TBXAS1: variants seen among roughly 807,000 people sequenced by gnomAD.
TBXAS1 encodes the protein thromboxane A synthase 1.
A neutral mutation model predicts 60.7 loss-of-function variants in TBXAS1; 48 were observed. The ratio of observed to expected loss-of-function variants is 0.79; its 90% confidence interval spans 0.63 to 1.01. The LOEUF (loss-of-function observed/expected upper bound fraction) is 1.01. TBXAS1 is among the 50% of genes least tolerant of loss of function. The pLI is 0.00. For missense variants in TBXAS1, 685 were observed against 686.3 expected (o/e 1.00, Z 0.02); for synonymous variants, 287 against 269.7 (o/e 1.06, Z -0.63).
intron 3 of TBXAS1, among the ~76,000 whole-genome samples, chr7:139,882,210 G>A (rs754232846): frequency 1.3e-5 from 2 of 152,180 alleles, no homozygotes; most frequent in African/African-American, 2.4e-5. Context: ...CAAGAACAAC[G>A]GGAATTGAAG....
chr7:140,006,714 C>T (rs1814105224), intron 9 of TBXAS1, among the ~76,000 whole-genome samples: 1 of 152,188 alleles, frequency 6.6e-6, no homozygotes, highest in African/African-American at 2.4e-5. Context: ...GTTTTCTCAT[C>T]TAAGAGATGG....
intron 5 of TBXAS1, among the ~76,000 whole-genome samples, chr7:139,953,075 G>A (rs1165215019): frequency 6.6e-6 from 1 of 152,172 alleles, no homozygotes; most frequent in East Asian, 1.9e-4. Context: ...TTTTGTCTAA[G>A]CACTTAATGA....
chr7:139,882,544 C>T (rs1462352138), intron 3 of TBXAS1, among the ~76,000 whole-genome samples: 2 of 152,160 alleles, frequency 1.3e-5, no homozygotes, highest in Admixed American at 6.5e-5. Flanking sequence ...AAAGTGCAAG[C>T]CTCAGTATGA....
chr7:140,017,931 G>C (rs972583984), intron 12 of TBXAS1, 98 bp downstream of exon 12: 1 of 1,558,092 alleles, frequency 6.4e-7, no homozygotes, highest in African/African-American at 1.4e-5. Flanking sequence ...GCAACATCAG[G>C]CTCTGCCTCC....
At position 139,833,492 on chromosome 7, in the gene TBXAS1, C is replaced by T. The variant is rs545565036; in HGVS notation, c.89+4013C>T. Reference sequence around the variant, plus strand: ...CAGTGTGGCCAACACAGTGAAACCCCGTCTCTACTAAAAATACAAAAAAAA... The same window carrying T: ...CAGTGTGGCCAACACAGTGAAACCCTGTCTCTACTAAAAATACAAAAAAAA... On this transcript the variant is annotated intron_variant, in intron 1 of 12. Transcript: ENST00000448866. Among the ~76,000 whole-genome samples the T allele has an allele frequency of 3.5e-4, 51 of 143,762 alleles. No homozygotes were observed. The South Asian group carries it at 4.8e-3, about 14-fold the overall frequency. 94.3% of individuals were successfully genotyped at this position (143,762 alleles called of 152,430 possible).
intron 10 of TBXAS1, among the ~76,000 whole-genome samples, chr7:140,010,033 C>A (rs1414753803): frequency 4.5e-5 from 6 of 133,772 alleles, no homozygotes; most frequent in Non-Finnish European, 8.0e-5. Context: ...CCGCCCCACA[C>A]CTCCACACCC....
At chr7:139,844,925 C>T (rs1426410374) in intron 1 of TBXAS1, among the ~76,000 whole-genome samples, 1 of 152,148 alleles carries the variant, frequency 6.6e-6, no homozygotes, top group Non-Finnish European at 1.5e-5. Context: ...TGCTCATTTC[C>T]TCATTGGTGA....
intron 10 of TBXAS1, among the ~76,000 whole-genome samples, chr7:140,012,046 C>T (rs896837560): frequency 6.6e-6 from 1 of 152,138 alleles, no homozygotes; most frequent in African/African-American, 2.4e-5. Context: ...ATTCCAGGCA[C>T]GTGGGAGTGG....
At position 139,962,243 on chromosome 7, in the gene TBXAS1, A is replaced by G. The variant is rs2117382774; in HGVS notation, c.1134+10A>G. The stretch of plus-strand genomic sequence containing the variant: ...TTTTAAGGAGAAACACGTGAGTACA[A>G]GTTGGATCCAGTTACCCATGGGATA... On this transcript the variant is annotated intron_variant, in intron 9 of 12. Coordinates refer to ENST00000448866, the MANE Select transcript of TBXAS1 (RefSeq NM_001061.7). The G allele has an allele frequency of 6.2e-7, 1 of 1,613,958 alleles. No individual in the cohort carries two copies. The highest frequency in any genetic ancestry group is 1.1e-5 in the South Asian group (1 of 90,870).
At chr7:139,957,504 C>T (rs1237774919) in intron 7 of TBXAS1, 130 bp from the exon 8 acceptor site, 25 of 1,165,012 alleles carry the variant, frequency 2.1e-5, no homozygotes, top group East Asian at 9.6e-5. Flanking sequence ...AGCAGCAGTG[C>T]GGCGGGGAGG....
chr7:140,005,815 C>T (rs939767945), intron 9 of TBXAS1, among the ~76,000 whole-genome samples: 4 of 152,232 alleles, frequency 2.6e-5, no homozygotes, highest in Admixed American at 6.5e-5. Context: ...AGATTAGCTA[C>T]GATACTGGCT....
In TBXAS1 at chr7:139,986,743, ACATATATATATATGTG is replaced by A. The variant is rs1456753992; in HGVS notation, c.1135-20347_1135-20332del. Among the ~76,000 whole-genome samples, 112 of 32,970 alleles carry A rather than the reference ACATATATATATATGTG, an allele frequency of 3.4e-3. 1 individual carries two copies. Among genetic ancestry groups the A allele is most frequent in the African/African-American group, 0.015 (109 of 7,262 alleles). 21.6% of individuals were successfully genotyped at this position (32,970 alleles called of 152,430 possible). On this transcript the variant is annotated intron_variant, in intron 9 of 12. Transcript: ENST00000448866. ...CCATCATATATATATATATATACAT[ACATATATATATATGTG>A]TGTGTGTGTGTGTGTGTGTGTGTGT...
rs1299466959 is a variant in TBXAS1, at chr7:139,867,177, T to C, written c.90-5058T>C. ...CCTGGCACCGCTGGGCTTCACCTGT[T>C]CTTGGAGCATCACAAGTTTTTACCC... On this transcript the variant is annotated intron_variant, in intron 1 of 12. Coordinates refer to ENST00000448866, the MANE Select transcript of TBXAS1 (RefSeq NM_001061.7). Among the ~76,000 whole-genome samples, 41 of 152,076 alleles carry C rather than the reference T, an allele frequency of 2.7e-4. 1 individual carries two copies. The highest frequency in any genetic ancestry group is 2.7e-3 in the Admixed American group (41 of 15,276).
chr7:139,804,845 T>C (rs1229294156), intron 4 of TBXAS1, among the ~76,000 whole-genome samples: 3 of 152,222 alleles, frequency 2.0e-5, no homozygotes, highest in Admixed American at 2.0e-4. Context: ...TAAACCTCTT[T>C]TTCTTTATAA....
At chr7:139,898,574 G>A (rs1368922362) in intron 3 of TBXAS1, among the ~76,000 whole-genome samples, 1 of 152,058 alleles carries the variant, frequency 6.6e-6, no homozygotes, top group Admixed American at 6.5e-5. Flanking sequence ...TGATCCGCAA[G>A]TGCTGGGATT....
chr7:139,804,132 C>T (rs2116367534), intron 4 of TBXAS1, among the ~76,000 whole-genome samples: 1 of 152,326 alleles, frequency 6.6e-6, no homozygotes, highest in East Asian at 1.9e-4. Flanking sequence ...GGGGGCTATA[C>T]CCAGCAAAGC....
intron 3 of TBXAS1, among the ~76,000 whole-genome samples, chr7:139,900,514 G>A (rs1804483172): frequency 6.6e-6 from 1 of 152,184 alleles, no homozygotes; most frequent in Non-Finnish European, 1.5e-5. Context: ...GAATGGCACT[G>A]GGAATTCACA....
intron 9 of TBXAS1, among the ~76,000 whole-genome samples, chr7:139,993,078 T>A (rs1397651599): frequency 6.6e-6 from 1 of 152,160 alleles, no homozygotes; most frequent in Non-Finnish European, 1.5e-5. Flanking sequence ...ACACCTGTAG[T>A]CCCAGCTACT....
intron 1 of TBXAS1, among the ~76,000 whole-genome samples, chr7:139,859,231 T>G (rs1008084203): frequency 2.8e-5 from 4 of 140,508 alleles, no homozygotes; most frequent in African/African-American, 1.1e-4. Flanking sequence ...AGACGGAGTC[T>G]CACTCTGTCA....
Sources: gnomAD v4.1 joint callset for allele counts (sites outside exome capture counted in the v4.1 genomes callset) on GRCh38, gnomAD v4.1.1 for gene constraint, MANE v1.5 for transcripts, NCBI Gene and HGNC (gene_info 2026-07-23, HGNC 2026-07-21) for gene names.